DOCK1: variants seen among roughly 807,000 people sequenced by gnomAD.
DOCK1 encodes dedicator of cytokinesis 1, also known as dedicator of cytokinesis protein 1.
In DOCK1, 138 loss-of-function variants were observed where a neutral mutation model predicts 262.7. That is an observed-to-expected ratio of 0.53 (90% CI 0.46 to 0.61). The LOEUF (loss-of-function observed/expected upper bound fraction) is 0.61, where lower values mean the gene tolerates loss of function less well. Among genes scored for constraint, DOCK1 ranks in the 20% least tolerant of loss-of-function variants. The pLI, the probability that DOCK1 is intolerant of heterozygous loss-of-function variation, is 0.00. For missense variants in DOCK1, 1,908 were observed against 2,370.7 expected, an observed-to-expected ratio of 0.80 and a Z score of 4.05; for synonymous variants, 866 against 867.4, an observed-to-expected ratio of 1.00 and a Z score of 0.03.
intron 29 of DOCK1, among the ~76,000 whole-genome samples, chr10:127,328,119 CAAAAA>C (rs11301683): frequency 4.1e-5 from 3 of 72,528 alleles, no homozygotes; most frequent in African/African-American, 8.9e-5. Context: ...TACAAATGGG[CAAAAA>C]AAAAAAAAAA....
At chr10:127,350,649 T>A (rs1169512791) in intron 31 of DOCK1, among the ~76,000 whole-genome samples, 1 of 152,234 alleles carries the variant, frequency 6.6e-6, no homozygotes, top group Non-Finnish European at 1.5e-5. Context: ...TTTATTAATG[T>A]TCGTCTCTCC....
chr10:127,194,214 A>G (rs573760723), intron 27 of DOCK1, among the ~76,000 whole-genome samples: 1 of 152,250 alleles, frequency 6.6e-6, no homozygotes. Context: ...AAATCATGCA[A>G]TTAGTGATAG....
intron 27 of DOCK1, among the ~76,000 whole-genome samples, chr10:127,167,020 C>T (rs1377692388): frequency 6.6e-6 from 1 of 151,506 alleles, no homozygotes; most frequent in Non-Finnish European, 1.5e-5. Context: ...TACATGAAGC[C>T]CAAAGCAAGA....
At chr10:127,215,787 C>T (rs1384100731) in intron 27 of DOCK1, among the ~76,000 whole-genome samples, 1 of 152,044 alleles carries the variant, frequency 6.6e-6, no homozygotes, top group Non-Finnish European at 1.5e-5. Context: ...AAAATAGTCA[C>T]AACCCAACTT....
intron 29 of DOCK1, among the ~76,000 whole-genome samples, chr10:127,262,423 A>T (rs2135070850): frequency 6.6e-6 from 1 of 152,190 alleles, no homozygotes; most frequent in East Asian, 1.9e-4. Flanking sequence ...CCCACACAGC[A>T]CAAGAGTCAG....
chr10:127,062,342 G>C (rs1233611519), intron 23 of DOCK1, among the ~76,000 whole-genome samples: 1 of 152,170 alleles, frequency 6.6e-6, no homozygotes, highest in East Asian at 1.9e-4. Flanking sequence ...GATCAAATCA[G>C]GGTAATTAGC....
At chr10:126,950,969 C>T (rs1438322747) in intron 1 of DOCK1, among the ~76,000 whole-genome samples, 1 of 151,012 alleles carries the variant, frequency 6.6e-6, no homozygotes, top group East Asian at 2.0e-4. Flanking sequence ...GGTAACATTG[C>T]TGGCGGTGAT....
intron 1 of DOCK1, among the ~76,000 whole-genome samples, chr10:126,936,283 G>C (rs1041697289): frequency 6.6e-6 from 1 of 152,150 alleles, no homozygotes; most frequent in African/African-American, 2.4e-5. Flanking sequence ...ACTGTGCTTG[G>C]CTGTAGACTT....
At chr10:126,947,267 T>A (rs1377710176) in intron 1 of DOCK1, among the ~76,000 whole-genome samples, 3 of 146,522 alleles carry the variant, frequency 2.0e-5, no homozygotes, top group Non-Finnish European at 4.5e-5. Context: ...TTGGTAGTAC[T>A]ACTGTTGGTG....
In DOCK1 at chr10:127,127,853, G is replaced by C. The variant is rs536146705; in HGVS notation, c.2847+89G>C. 1.6e-4 allele frequency: 173 copies of C among 1,084,936 alleles called. 1 individual carries two copies. The African/African-American group carries it at 2.3e-3, about 15-fold the overall frequency. The allele number at this position is 1,084,936 out of a possible 1,614,324, so 67.2% of individuals were successfully genotyped here. On this transcript the variant is annotated intron_variant, in intron 27 of 51. Transcript: ENST00000623213. ...CTGTTTGAACATAGCTTATTATACT[G>C]CAATGTAGTGAGCAGTTGAGATACA...
At chr10:127,297,207 A>G (rs946468782) in intron 29 of DOCK1, among the ~76,000 whole-genome samples, 2 of 152,168 alleles carry the variant, frequency 1.3e-5, no homozygotes, top group Admixed American at 6.5e-5. Flanking sequence ...AGGTGTTGGA[A>G]TGGAGGAACA....
intron 9 of DOCK1, 61 bp from the exon 10 acceptor site, chr10:127,000,111 C>G (rs2040481450): frequency 6.3e-7 from 1 of 1,581,782 alleles, no homozygotes; most frequent in Non-Finnish European, 8.6e-7. Flanking sequence ...CTGTCCTTTT[C>G]ATTGGAGCTT....
intron 29 of DOCK1, among the ~76,000 whole-genome samples, chr10:127,296,372 G>GC (rs2061504912): frequency 6.6e-6 from 1 of 152,194 alleles, no homozygotes; most frequent in Non-Finnish European, 1.5e-5. Flanking sequence ...AGTCCTTCAA[G>GC]CCCCTTTCAG....
chr10:127,234,256 G>A (rs955908618), intron 27 of DOCK1, among the ~76,000 whole-genome samples: 8 of 152,102 alleles, frequency 5.3e-5, no homozygotes, highest in African/African-American at 1.7e-4. Context: ...ATTGACAGAT[G>A]TTGGCTTGAT....
chr10:127,339,037 G>A lies in DOCK1; in HGVS notation c.3076G>A (p.Asp1026Asn). Residue 1026 changes from aspartate (D) to asparagine (N), a missense_variant, in exon 30 of 52, where the codon GAT becomes AAT. This residue lies in a region of DOCK1 where 518 missense variants were observed against 575.1 expected (regional missense o/e 0.90). Transcript: ENST00000623213. ...CCTGCGAGCAATTAATCAGTATGCA[G>A]ATATGCTGAACAAAAAATTTCTGGA... The part of the protein sequence containing the change: ...VFLRAINQYA[D>N]MLNKKFLDQA... 6.3e-7 allele frequency: 1 copy of A among 1,583,312 alleles called. No homozygotes were observed. Among genetic ancestry groups the A allele is most frequent in the African/African-American group, 1.3e-5 (1 of 74,394 alleles).
At chr10:127,031,589 A>G in intron 16 of DOCK1, 61 bp from the exon 17 acceptor site, 1 of 1,313,600 alleles carries the variant, frequency 7.6e-7, no homozygotes, top group South Asian at 1.3e-5. Context: ...AGCTTCTTAT[A>G]ATGTTATTTT....
intron 29 of DOCK1, among the ~76,000 whole-genome samples, chr10:127,281,955 G>C (rs992585691): frequency 2.0e-5 from 3 of 152,130 alleles, no homozygotes; most frequent in Non-Finnish European, 4.4e-5. Context: ...TTGGCTTCAT[G>C]TTGGAAGTAT....
At chr10:127,026,157 G>A in intron 15 of DOCK1, 195 bp from the exon 16 acceptor site, 1 of 580,362 alleles carries the variant, frequency 1.7e-6, no homozygotes, top group East Asian at 3.1e-5. Flanking sequence ...TGGCTTGGCA[G>A]CTGTTACAAT....
At chr10:126,945,973 A>T (rs1041378987) in intron 1 of DOCK1, among the ~76,000 whole-genome samples, 1 of 152,202 alleles carries the variant, frequency 6.6e-6, no homozygotes, top group Non-Finnish European at 1.5e-5. Flanking sequence ...ATGAACGTTC[A>T]TAGGCAGAGA....
Sources: allele counts gnomAD v4.1 joint callset (sites outside exome capture counted in the v4.1 genomes callset), GRCh38; gene constraint gnomAD v4.1.1; regional missense constraint gnomAD v4.1.1; transcripts MANE v1.5; gene names NCBI Gene and HGNC (gene_info 2026-07-23, HGNC 2026-07-21).